Variants in PTPRS observed in about 807,000 individuals in gnomAD.
PTPRS encodes the protein protein tyrosine phosphatase receptor type S, also known as receptor-type tyrosine-protein phosphatase S.
PTPRS carries 63 observed loss-of-function variants against 215.3 expected under a neutral mutation model. That is an observed-to-expected ratio of 0.29 (90% CI 0.24 to 0.36). The LOEUF is 0.36. Among genes scored for constraint, PTPRS ranks in the 10% least tolerant of loss-of-function variants. The pLI, the probability that PTPRS is intolerant of heterozygous loss-of-function variation, is 1.00. For missense variants in PTPRS, 2,258 were observed against 2,825.8 expected, an observed-to-expected ratio of 0.80 and a Z score of 4.56; for synonymous variants, 1,404 against 1,191.4, an observed-to-expected ratio of 1.18 and a Z score of -3.68.
intron 18 of PTPRS, among the ~76,000 whole-genome samples, 186 bp downstream of exon 18, chr19:5,222,503 G>A (rs572226600): frequency 1.4e-3 from 214 of 151,986 alleles, no homozygotes; most frequent in South Asian, 3.1e-3. Flanking sequence ...GGTGGGGGGC[G>A]GTGGTGCCAC....
At chr19:5,277,516 C>T (rs996202644) in intron 2 of PTPRS, among the ~76,000 whole-genome samples, 1 of 151,624 alleles carries the variant, frequency 6.6e-6, no homozygotes, top group Non-Finnish European at 1.5e-5. Context: ...ATTAGCTGGG[C>T]GAGGTGGCAG....
At chr19:5,267,844 C>A (rs1018627000) in intron 4 of PTPRS, among the ~76,000 whole-genome samples, 1 of 151,792 alleles carries the variant, frequency 6.6e-6, no homozygotes, top group Non-Finnish European at 1.5e-5. Flanking sequence ...GGTAAAGGGC[C>A]GCAAAAACAG....
chr19:5,321,386 C>T (rs774171809), intron 1 of PTPRS, among the ~76,000 whole-genome samples: 46 of 152,232 alleles, frequency 3.0e-4, no homozygotes, highest in Admixed American at 1.0e-3. Context: ...TGATGTCTCC[C>T]GACCCAGTGA....
chr19:5,233,839 G>A lies in PTPRS; in HGVS notation c.1850-2224C>T, dbSNP rs564388507. 5.5e-4 allele frequency among the ~76,000 whole-genome samples: 83 copies of A among 149,552 alleles called. 1 individual carries two copies. In the South Asian group the frequency reaches 0.017, roughly 30 times the overall value. On this transcript the variant is annotated intron_variant, in intron 13 of 37. Coordinates refer to ENST00000262963, the MANE Select transcript of PTPRS (RefSeq NM_002850.4). ...CGGGAGCCTGTAATCCCAGCTACTC[G>A]GGAGGCTGAGGCAGGAGAATCACTT...
chr19:5,331,801 G>A (rs913157491), intron 1 of PTPRS, among the ~76,000 whole-genome samples: 1 of 152,148 alleles, frequency 6.6e-6, no homozygotes, highest in African/African-American at 2.4e-5. Flanking sequence ...TTCCTTCTAC[G>A]CAGTATTTAA....
intron 4 of PTPRS, among the ~76,000 whole-genome samples, chr19:5,266,551 G>A (rs1329702399): frequency 6.6e-6 from 1 of 152,102 alleles, no homozygotes; most frequent in Non-Finnish European, 1.5e-5. Context: ...ACTTTTAGTA[G>A]AGAAGGGGTT....
intron 13 of PTPRS, 143 bp from the exon 14 acceptor site, chr19:5,231,758 G>T: frequency 3.8e-6 from 1 of 260,024 alleles, no homozygotes; most frequent in South Asian, 3.3e-5. Context: ...AAGAGAAGTC[G>T]AACCCAAAAG....
At chr19:5,326,314 T>C (rs1272239382) in intron 1 of PTPRS, among the ~76,000 whole-genome samples, 1 of 152,118 alleles carries the variant, frequency 6.6e-6, no homozygotes, top group Non-Finnish European at 1.5e-5. Flanking sequence ...AGGTGGGTGC[T>C]AGGATGTCTT....
Position 5,264,997 on chromosome 19 carries a change from C to T in PTPRS, c.568+11G>A, listed in dbSNP as rs1277044641. The T allele has an allele frequency of 6.2e-7, 1 of 1,613,182 alleles. No individual in the cohort carries two copies. The highest frequency in any genetic ancestry group is 1.3e-5 in the African/African-American group (1 of 74,918). ...CAAGGCTCCCACGTCCTGTCAGCCA[C>T]CCTCACTCACCTGATCGCAGCTGTT... On this transcript the variant is annotated intron_variant, in intron 5 of 37. Coordinates refer to ENST00000262963, the MANE Select transcript of PTPRS (RefSeq NM_002850.4).
At chr19:5,291,594 C>T (rs138575729) in intron 1 of PTPRS, among the ~76,000 whole-genome samples, 2 of 152,194 alleles carry the variant, frequency 1.3e-5, no homozygotes, top group East Asian at 3.9e-4. Flanking sequence ...GTCTTCCCTA[C>T]CCCCTCTTCC....
At chr19:5,266,880 C>G (rs535875364) in intron 4 of PTPRS, among the ~76,000 whole-genome samples, 1 of 152,124 alleles carries the variant, frequency 6.6e-6, no homozygotes, top group Admixed American at 6.5e-5. Flanking sequence ...CTGGAATCCC[C>G]GTTCCCACAT....
chr19:5,277,789 C>A (rs7250168), intron 2 of PTPRS: 667,132 of 734,498 alleles, frequency 0.91, 304,239 homozygotes, highest in Middle Eastern at 0.96. Context: ...AGGATCAAGG[C>A]GTTCATCCGG....
At chr19:5,325,301 G>T (rs1169126267) in intron 1 of PTPRS, among the ~76,000 whole-genome samples, 2 of 152,244 alleles carry the variant, frequency 1.3e-5, no homozygotes, top group African/African-American at 4.8e-5. Flanking sequence ...ACAGACAGCT[G>T]CAAGGTGCAC....
chr19:5,220,420 G>T, intron 20 of PTPRS, 67 bp from the exon 21 acceptor site: 2 of 1,312,754 alleles, frequency 1.5e-6, no homozygotes, highest in East Asian at 2.4e-5. Flanking sequence ...CTTCATGGGG[G>T]CAAACGGGGG....
intron 13 of PTPRS, among the ~76,000 whole-genome samples, chr19:5,232,418 G>C (rs2043094184): frequency 1.4e-5 from 2 of 144,644 alleles, no homozygotes; most frequent in Non-Finnish European, 3.0e-5. Flanking sequence ...AGCAACAAGG[G>C]CTTCACAAAT....
intron 12 of PTPRS, 92 bp from the exon 13 acceptor site, chr19:5,239,155 G>A (rs978876555): frequency 1.4e-6 from 1 of 725,278 alleles, no homozygotes; most frequent in Non-Finnish European, 2.2e-6. Flanking sequence ...AGAAACAGAG[G>A]GGGGAGGGGG....
At chr19:5,216,107 G>A (rs1287559178) in intron 26 of PTPRS, among the ~76,000 whole-genome samples, 2 of 152,182 alleles carry the variant, frequency 1.3e-5, no homozygotes, top group African/African-American at 2.4e-5. Context: ...CGACAGACTA[G>A]GGAGGGGAAA....
chr19:5,316,550 G>A (rs370066403), intron 1 of PTPRS, among the ~76,000 whole-genome samples: 7 of 152,070 alleles, frequency 4.6e-5, no homozygotes, highest in African/African-American at 1.4e-4. Context: ...ACGCCACCAC[G>A]CCCGGCTAAT....
intron 9 of PTPRS, among the ~76,000 whole-genome samples, chr19:5,247,063 C>T (rs1052136124): frequency 1.4e-4 from 21 of 150,050 alleles, no homozygotes; most frequent in African/African-American, 3.9e-4. Flanking sequence ...GGACAGAGAG[C>T]GGGAGGGGCA....
Sources: allele counts gnomAD v4.1 joint callset (sites outside exome capture counted in the v4.1 genomes callset), GRCh38; gene constraint gnomAD v4.1.1; transcripts MANE v1.5; gene names NCBI Gene and HGNC (gene_info 2026-07-23, HGNC 2026-07-21).